Variants in FAM161A observed in about 807,000 individuals in gnomAD.
FAM161A encodes the protein protein FAM161A.
FAM161A carries 57 observed loss-of-function variants against 70.9 expected under a neutral mutation model. That is an observed-to-expected ratio of 0.80 (90% CI 0.65 to 1.00). The LOEUF (loss-of-function observed/expected upper bound fraction) is 1.00, where lower values mean the gene tolerates loss of function less well. FAM161A is among the 50% of genes least tolerant of loss of function. FAM161A has a pLI of 0.00. For synonymous variants in FAM161A, 299 were observed against 295.7 expected, an observed-to-expected ratio of 1.01 and a Z score of -0.12; for missense variants, 880 against 836.0, an observed-to-expected ratio of 1.05 and a Z score of -0.65.
At chr2:61,810,181 A>T in the FAM161A span, among the ~76,000 whole-genome samples, 2 of 152,210 alleles carry the variant, frequency 1.3e-5, no homozygotes, top group African/African-American at 2.4e-5. Context: ...AAACTAAATT[A>T]TACAGGAGGT....
At chr2:61,810,446 G>A in the FAM161A span, among the ~76,000 whole-genome samples, 1 of 138,932 alleles carries the variant, frequency 7.2e-6, no homozygotes, top group African/African-American at 2.7e-5. Context: ...TAGGTCCCCA[G>A]CACTTCCTTT....
At chr2:61,846,043 C>A (rs34360862) in intron 1 of FAM161A, among the ~76,000 whole-genome samples, 2 of 131,780 alleles carry the variant, frequency 1.5e-5, no homozygotes, top group African/African-American at 5.9e-5. Flanking sequence ...AAGCTGAGAT[C>A]GAGCCATTGC....
At chr2:61,832,243 A>AAAAAAAAAAAAAAAAAC (rs1672606283) in intron 5 of FAM161A, among the ~76,000 whole-genome samples, 1 of 70,136 alleles carries the variant, frequency 1.4e-5, no homozygotes, top group Admixed American at 2.1e-4. Context: ...ACCCTGTCAC[A>AAAAAAAAAAAAAAAAAC]CACACACAAA....
the FAM161A span, among the ~76,000 whole-genome samples, chr2:61,809,209 G>A: frequency 1.3e-5 from 2 of 151,932 alleles, no homozygotes; most frequent in South Asian, 2.1e-4. Flanking sequence ...CTTGGCCCCC[G>A]GACACCACTG....
At chr2:61,804,033 C>T in the FAM161A span, among the ~76,000 whole-genome samples, 3 of 152,192 alleles carry the variant, frequency 2.0e-5, no homozygotes, top group South Asian at 2.1e-4. Context: ...GGAGCTCCAA[C>T]GGCTGCTGGT....
chr2:61,851,184 T>C (rs901590506), intron 1 of FAM161A, among the ~76,000 whole-genome samples: 5 of 152,266 alleles, frequency 3.3e-5, no homozygotes, highest in Middle Eastern at 3.4e-3. Flanking sequence ...CTGTTCATTT[T>C]TAATTGTCTG....
Position 61,826,350 on chromosome 2 carries a change from G to T in FAM161A, c.*105C>A. ...ACAGATGACTTTGATCAACAGCCCT[G>T]CACATATCAGAAGCGTCCCCACAGA... On this transcript the variant is annotated 3_prime_UTR_variant, in exon 7 of 7. Transcript: ENST00000404929. 3 of 1,250,612 alleles carry T rather than the reference G, an allele frequency of 2.4e-6. No homozygotes were observed. The highest frequency in any genetic ancestry group is 1.3e-5 in the South Asian group (1 of 78,274). The allele number at this position is 1,250,612 out of a possible 1,614,324, so 77.5% of individuals were successfully genotyped here.
chr2:61,841,257 G>A (rs1042111444), intron 2 of FAM161A, among the ~76,000 whole-genome samples: 2 of 152,046 alleles, frequency 1.3e-5, no homozygotes, highest in African/African-American at 2.4e-5. Context: ...CAAGCCCTTC[G>A]AGACTGGCGC....
rs962108310 is a variant in FAM161A, at chr2:61,825,301, A to G, written c.*1154T>C. On this transcript the variant is annotated 3_prime_UTR_variant, in exon 7 of 7. Transcript: ENST00000404929. ...AGTGTGTTGGCAATAATATGTAAAAAGTTGAACACAACTGGGTCTAGCAGT... is the reference window on the plus strand; with the variant it reads ...AGTGTGTTGGCAATAATATGTAAAAGGTTGAACACAACTGGGTCTAGCAGT... 2.2e-6 allele frequency: 1 copy of G among 454,260 alleles called. No homozygotes were observed. The highest frequency in any genetic ancestry group is 2.0e-5 in the African/African-American group (1 of 50,142). 28.1% of individuals were successfully genotyped at this position (454,260 alleles called of 1,614,324 possible).
Position 61,831,343 on chromosome 2 carries a change from G to C in FAM161A, c.1852-4085C>G, listed in dbSNP as rs116602753. 6.4e-3 allele frequency among the ~76,000 whole-genome samples: 964 copies of C among 151,590 alleles called. 8 individuals are homozygous for C. Among genetic ancestry groups the C allele is most frequent in the African/African-American group, 0.022 (927 of 41,318 alleles). ...ACTAACACAAATATTAGTATTCCCAGGTTATGTACCTGCTCCCTGGAATTG... is the reference window on the plus strand; with the variant it reads ...ACTAACACAAATATTAGTATTCCCACGTTATGTACCTGCTCCCTGGAATTG... On this transcript the variant is annotated intron_variant, in intron 5 of 6. Transcript: ENST00000404929.
At chr2:61,804,212 G>A in the FAM161A span, among the ~76,000 whole-genome samples, 4 of 152,134 alleles carry the variant, frequency 2.6e-5, no homozygotes, top group Admixed American at 1.3e-4. Context: ...GGTTACTCTC[G>A]TGGCCATCTT....
intron 5 of FAM161A, 199 bp downstream of exon 5, chr2:61,835,811 C>T (rs1672747449): frequency 1.4e-5 from 8 of 563,328 alleles, no homozygotes; most frequent in Middle Eastern, 4.9e-4. Context: ...ACTACAGGTG[C>T]ACACCACCAC....
chr2:61,803,120 C>T, the FAM161A span: 1 of 430,360 alleles, frequency 2.3e-6, no homozygotes, highest in Non-Finnish European at 4.4e-6. Context: ...CTAGAAAGTT[C>T]ATGACTACTT....
chr2:61,846,827 G>A, intron 1 of FAM161A: 1 of 418,158 alleles, frequency 2.4e-6, no homozygotes, highest in East Asian at 7.9e-5. Flanking sequence ...ATTCATCTGG[G>A]CAGCAGCAGT....
rs1372959412 is a variant in FAM161A at position 61,825,558 on chromosome 2, G to A, written c.*897C>T. On this transcript the variant is annotated 3_prime_UTR_variant, in exon 7 of 7. Transcript: ENST00000404929. ...TAGAACTAAGGATAAAAAGAAAAAG[G>A]GATGATGGTGTAGACAATTTAACAG... The A allele has an allele frequency of 9.1e-6, 4 of 440,610 alleles. No homozygotes were observed. In the Admixed American group the frequency reaches 1.0e-4, roughly 11 times the overall value. 27.3% of individuals were successfully genotyped at this position (440,610 alleles called of 1,614,324 possible).
chr2:61,843,543 C>G (rs769834863), intron 1 of FAM161A, among the ~76,000 whole-genome samples: 4 of 152,146 alleles, frequency 2.6e-5, no homozygotes, highest in Non-Finnish European at 5.9e-5. Flanking sequence ...TGATACTATG[C>G]ATAAAAGGCT....
downstream of FAM161A, among the ~76,000 whole-genome samples, chr2:61,821,847 G>A (rs890157137): frequency 6.6e-6 from 1 of 151,888 alleles, no homozygotes; most frequent in Non-Finnish European, 1.5e-5. Context: ...TCAGCTCACT[G>A]AAATCTCTGC....
intron 2 of FAM161A, 114 bp from the exon 3 acceptor site, chr2:61,840,695 G>C (rs1039697573): frequency 2.5e-6 from 2 of 806,068 alleles, no homozygotes; most frequent in African/African-American, 1.7e-5. Context: ...CTGTTGCCCA[G>C]GTTGGAGTGC....
intron 4 of FAM161A, among the ~76,000 whole-genome samples, chr2:61,837,667 G>C (rs567863292): frequency 1.3e-5 from 2 of 152,170 alleles, no homozygotes; most frequent in Admixed American, 6.5e-5. Flanking sequence ...TACTCTGTAA[G>C]CTGAGGCAGG....
Sources: gnomAD v4.1 joint callset for allele counts (sites outside exome capture counted in the v4.1 genomes callset) on GRCh38, gnomAD v4.1.1 for gene constraint, MANE v1.5 for transcripts, NCBI Gene and HGNC (gene_info 2026-07-23, HGNC 2026-07-21) for gene names.